Variants in HSPG2 observed in about 807,000 individuals in gnomAD.
HSPG2 encodes the protein basement membrane-specific heparan sulfate proteoglycan core protein.
Under a neutral mutation model 526.6 loss-of-function variants are expected in HSPG2, and 278 were observed. The ratio of observed to expected loss-of-function variants is 0.53; its 90% CI spans 0.48 to 0.58. The LOEUF (loss-of-function observed/expected upper bound fraction) is 0.58. HSPG2 is among the 20% of genes least tolerant of loss of function. HSPG2 has a pLI of 0.00. For missense variants in HSPG2, 5,354 were observed against 6,099.5 expected, an observed-to-expected ratio of 0.88 and a Z score of 4.07; for synonymous variants, 2,465 against 2,555.4, an observed-to-expected ratio of 0.96 and a Z score of 1.07.
At chr1:21,841,473 G>T in intron 70 of HSPG2, 66 bp downstream of exon 70, 1 of 1,605,468 alleles carries the variant, frequency 6.2e-7, no homozygotes, top group South Asian at 1.1e-5. Context: ...TTTAAACTTG[G>T]AGGCTCTGAG....
chr1:21,854,105 C>G (rs977062291), intron 50 of HSPG2, 88 bp downstream of exon 50: 8 of 1,408,452 alleles, frequency 5.7e-6, no homozygotes, highest in Admixed American at 2.3e-5. Flanking sequence ...GAATGCCCCC[C>G]TGTCCTGGTC....
intron 28 of HSPG2, 24 bp from the exon 29 acceptor site, chr1:21,874,035 G>A (rs1640860254): frequency 6.3e-7 from 1 of 1,576,514 alleles, no homozygotes; most frequent in Non-Finnish European, 8.6e-7. Flanking sequence ...CAGATTTCTA[G>A]TCAGGAACGC....
chr1:21,929,601 T>C (rs1264603477), intron 1 of HSPG2, among the ~76,000 whole-genome samples: 1 of 150,158 alleles, frequency 6.7e-6, no homozygotes, highest in Non-Finnish European at 1.5e-5. Flanking sequence ...TTTTTTTTTT[T>C]AGGAATTTTT....
At position 21,906,054 on chromosome 1, in the gene HSPG2, AGGAGCC is replaced by A. The variant is rs1643361843; in HGVS notation, c.64-9750_64-9745del. Among the ~76,000 whole-genome samples, 10 of 152,234 alleles carry A rather than the reference AGGAGCC, an allele frequency of 6.6e-5. No individual in the cohort carries two copies. The South Asian group carries it at 2.1e-3, about 31-fold the overall frequency. On this transcript the variant is annotated intron_variant, in intron 1 of 96. Transcript: ENST00000374695. Reference sequence around the variant, plus strand: ...AATTAATTAATGGGGTTTATAAGTGAGGAGCCTGAGGCTCAGAGAGCTAACTTGCCC... The same window carrying A: ...AATTAATTAATGGGGTTTATAAGTGATGAGGCTCAGAGAGCTAACTTGCCC...
At chr1:21,894,317 C>T (rs1184908620) in intron 3 of HSPG2, among the ~76,000 whole-genome samples, 1 of 151,996 alleles carries the variant, frequency 6.6e-6, no homozygotes, top group Admixed American at 6.5e-5. Context: ...GGCCCCATGA[C>T]AGGCAGGATG....
Position 21,850,389 on chromosome 1 carries a change from G to T in HSPG2, c.7268C>A (p.Thr2423Asn). Residue 2423 changes from threonine to asparagine, a missense_variant, in exon 56 of 97, where the codon ACC becomes AAC. Transcript: ENST00000374695. ...SVPLEASVLVTIEPAGSVPAL... is the reference protein window; with the variant it reads ...SVPLEASVLVNIEPAGSVPAL... ...AGGCACTGAGCCCGCAGGCTCAATG[G>T]TGACCAGGACAGAGGCCTCTAGAGG... 6.2e-7 allele frequency: 1 copy of T among 1,610,410 alleles called. No homozygotes were observed. The highest frequency in any genetic ancestry group is 2.2e-5 in the East Asian group (1 of 44,744).
In HSPG2 at chr1:21,848,896, G is replaced by A. The variant is rs1638668467; in HGVS notation, c.7582C>T (p.His2528Tyr). The A allele has an allele frequency of 6.2e-7, 1 of 1,613,850 alleles. No homozygotes were observed. Among genetic ancestry groups the A allele is most frequent in the Non-Finnish European group, 8.5e-7 (1 of 1,180,008 alleles). Residue 2528 changes from histidine to tyrosine, a missense_variant, in exon 58 of 97, where the codon CAC becomes TAC. His to Tyr is a moderately conservative substitution (Grantham distance 83). Coordinates refer to ENST00000374695, the MANE Select transcript of HSPG2 (RefSeq NM_005529.7). The surrounding 1 kb of genome is among the most constrained non-coding windows in gnomAD (Gnocchi z 4.9). Reference sequence around the variant, plus strand: ...GCATGACCCCCGAGACACTCACAGTGGGAGCCACTAAGGCGCTGCTGGATG... The same window carrying A: ...GCATGACCCCCGAGACACTCACAGTAGGAGCCACTAAGGCGCTGCTGGATG... ...VTIQQRLSGS[H>Y]SQGVAYPVRI...
intron 1 of HSPG2, among the ~76,000 whole-genome samples, chr1:21,920,808 G>C (rs989728668): frequency 1.3e-5 from 2 of 152,156 alleles, no homozygotes; most frequent in Admixed American, 1.3e-4. Flanking sequence ...ACCCAGCCCA[G>C]GGAGGAATCC....
At position 21,823,066 on chromosome 1, in the gene HSPG2, G is replaced by A; in HGVS notation, c.*250C>T. 2.4e-6 allele frequency: 1 copy of A among 410,750 alleles called. No homozygotes were observed. The highest frequency in any genetic ancestry group is 4.3e-6 in the Non-Finnish European group (1 of 233,130). 25.4% of individuals were successfully genotyped at this position (410,750 alleles called of 1,614,324 possible). A position where few individuals can be genotyped will look rare whatever the true frequency, so the allele number is the denominator to read the frequency against. Reference sequence around the variant, plus strand: ...CTGGGCCCACCCAGCCACTGTTCCTGACCCCAAGTCCTGGTGACTTTCTGA... The same window carrying A: ...CTGGGCCCACCCAGCCACTGTTCCTAACCCCAAGTCCTGGTGACTTTCTGA... On this transcript the variant is annotated 3_prime_UTR_variant, in exon 97 of 97. Coordinates refer to ENST00000374695, the MANE Select transcript of HSPG2 (RefSeq NM_005529.7).
At chr1:21,844,432 T>A in intron 64 of HSPG2, 133 bp from the exon 65 acceptor site, 1 of 1,021,284 alleles carries the variant, frequency 9.8e-7, no homozygotes, top group South Asian at 1.7e-5. Context: ...CATTGAGGCC[T>A]GGAGCAGCTG....
Position 21,854,478 on chromosome 1 carries a change from G to A in HSPG2, c.6288+133C>T, listed in dbSNP as rs114434830. The A allele has an allele frequency of 1.7e-3, 2,410 of 1,447,774 alleles. 34 individuals carry two copies. In the African/African-American group the frequency reaches 0.031, roughly 19 times the overall value. The allele number at this position is 1,447,774 out of a possible 1,614,324, so 89.7% of individuals were successfully genotyped here. ...TCCCATGCTAGAAACTGGGAGGGAG[G>A]GAGATGAGGCCTGGCTTCTGCTGGT... On this transcript the variant is annotated intron_variant, in intron 49 of 96. Transcript: ENST00000374695.
Position 21,876,326 on chromosome 1 carries a change from A to C in HSPG2, c.2906T>G (p.Phe969Cys). ...ASTHTTNEGI[F>C]SPTPGELGFS... ...TCCCAGTTCCCCGGGCGTGGGGGAG[A>C]AGATGCCCTCGTTGGTGGTGTGGGT... The change falls in exon 23 of 97, where the codon TTC (phenylalanine) becomes TGC (cysteine). Residue 969 changes from phenylalanine to cysteine, a missense_variant. By Grantham distance (205) the Phe-to-Cys change is radical (BLOSUM62 -2). Transcript: ENST00000374695. 1 of 1,613,970 alleles carries C rather than the reference A, an allele frequency of 6.2e-7. No homozygotes were observed. Among genetic ancestry groups the C allele is most frequent in the African/African-American group, 1.3e-5 (1 of 75,030 alleles).
chr1:21,876,170 C>T, intron 23 of HSPG2, 59 bp downstream of exon 23: 1 of 1,571,130 alleles, frequency 6.4e-7, no homozygotes, highest in Non-Finnish European at 8.7e-7. Context: ...GCCTCCAAGC[C>T]TTTGCCTGCG....
rs1034977726 is a variant in HSPG2, at chr1:21,884,879, G to C, written c.1395C>G (p.Ile465Met). Residue 465 changes from isoleucine (I) to methionine (M), a missense_variant, in exon 12 of 97, where the codon ATC (isoleucine) becomes ATG (methionine). Ile to Met is a conservative substitution (Grantham distance 10, BLOSUM62 1). Transcript: ENST00000374695. ...GGTCTGACTCCTTCACATCACGGAT[G>C]ATCAGTGTGCCACGGCCACCCTCGC... ...VTSEGGRGTL[I>M]IRDVKESDQG... The C allele has an allele frequency of 7.4e-6, 12 of 1,613,894 alleles. No homozygotes were observed. In the Admixed American group the frequency reaches 8.3e-5, roughly 11 times the overall value.
At chr1:21,837,580 C>T (rs776801798) in intron 74 of HSPG2, among the ~76,000 whole-genome samples, 8 of 152,002 alleles carry the variant, frequency 5.3e-5, no homozygotes, top group Admixed American at 4.6e-4. Flanking sequence ...TGAGCCACCG[C>T]GCCCGGCCAT....
rs750780384 is a variant in HSPG2 at position 21,823,355 on chromosome 1, G to A, written c.13137C>T (p.Arg4379=). Residue 4379 remains arginine (R), a synonymous_variant, in exon 97 of 97, where the codon CGC becomes CGT. Coordinates refer to ENST00000374695, the MANE Select transcript of HSPG2 (RefSeq NM_005529.7). ...GGCGTGTGTTGGCCCCGGCCTGGGC[G>A]CGGTGCTGCAGGTCCAGGGGCTGTG... ...PPPQPLDLQH[R]AQAGANTRPC... 35 of 1,544,868 alleles carry A rather than the reference G, an allele frequency of 2.3e-5. No homozygotes were observed. Among genetic ancestry groups the A allele is most frequent in the Middle Eastern group, 1.7e-4 (1 of 5,914 alleles).
chr1:21,831,794 A>G lies in HSPG2; in HGVS notation c.11210T>C (p.Phe3737Ser). The G allele has an allele frequency of 1.3e-6, 2 of 1,598,496 alleles. No individual in the cohort carries two copies. Among genetic ancestry groups the G allele is most frequent in the Non-Finnish European group, 1.7e-6 (2 of 1,169,676 alleles). The change falls in exon 82 of 97, where the codon TTC becomes TCC. Residue 3737 changes from phenylalanine (F) to serine (S), a missense_variant and splice_region_variant. By Grantham distance (155) the Phe-to-Ser change is radical. Coordinates refer to ENST00000374695, the MANE Select transcript of HSPG2 (RefSeq NM_005529.7). ...GGTGGCCATGCCTGAGCCTGCATCG[A>G]ACCTGCTCCGTGGGGCAGGCCGGGG... is the stretch of plus-strand genomic sequence containing the variant. Reference protein sequence around the residue: ...GLVGGRPEFRFDAGSGMATIR... With the variant: ...GLVGGRPEFRSDAGSGMATIR...
At chr1:21,878,813 A>C (rs1641291520) in intron 18 of HSPG2, 150 bp from the exon 19 acceptor site, 1 of 1,170,422 alleles carries the variant, frequency 8.5e-7, no homozygotes, top group African/African-American at 1.5e-5. Context: ...CAACTGTAGG[A>C]AGTCAGGGGG....
At chr1:21,905,454 T>C (rs1643332346) in intron 1 of HSPG2, among the ~76,000 whole-genome samples, 1 of 152,200 alleles carries the variant, frequency 6.6e-6, no homozygotes, top group Admixed American at 6.5e-5. Context: ...ATGTCACCTT[T>C]CAGCCGCGCA....
Sources: gnomAD v4.1 joint callset for allele counts (sites outside exome capture counted in the v4.1 genomes callset) on GRCh38, gnomAD v4.1.1 for gene constraint, Gnocchi (gnomAD v3.1) non-coding constraint, MANE v1.5 for transcripts, NCBI Gene and HGNC (gene_info 2026-07-23, HGNC 2026-07-21) for gene names.